Variants in EPHX1 observed in about 807,000 individuals in gnomAD.
The protein encoded by EPHX1 is epoxide hydrolase 1.
Under a neutral mutation model 43.2 loss-of-function variants are expected in EPHX1, and 40 were observed. The observed-to-expected ratio is 0.93, with a 90% CI of 0.72 to 1.21. The LOEUF is 1.21. EPHX1 is among the 50% of genes most tolerant of loss of function. EPHX1 has a pLI of 0.00. For missense variants in EPHX1, 550 were observed against 570.4 expected, an observed-to-expected ratio of 0.96 and a Z score of 0.36; for synonymous variants, 221 against 226.7, an observed-to-expected ratio of 0.98 and a Z score of 0.22.
At chr1:225,811,368 C>T (rs1275151775) in intron 1 of EPHX1, among the ~76,000 whole-genome samples, 1 of 152,148 alleles carries the variant, frequency 6.6e-6, no homozygotes, top group East Asian at 1.9e-4. Context: ...CTTCAGGTTC[C>T]GCAAAGCCTG....
Position 225,828,635 on chromosome 1 carries a change from A to G in EPHX1, c.-5-90A>G, listed in dbSNP as rs527602539. 1.2e-5 allele frequency: 16 copies of G among 1,334,382 alleles called. No individual in the cohort carries two copies. In the African/African-American group the frequency reaches 2.0e-4, roughly 17 times the overall value. The allele number at this position is 1,334,382 out of a possible 1,614,324, so 82.7% of individuals were successfully genotyped here. ...ATCAGGGACAGGGTTGGAGCGCAGC[A>G]GGAAAGAGCCTGCTGGGGATCAGAG... On this transcript the variant is annotated intron_variant, in intron 1 of 8. Transcript: ENST00000272167.
In EPHX1 at chr1:225,828,799, G is replaced by C; in HGVS notation, c.70G>C (p.Glu24Gln). The C allele has an allele frequency of 6.2e-7, 1 of 1,613,946 alleles. No homozygotes were observed. Among genetic ancestry groups the C allele is most frequent in the Non-Finnish European group, 8.5e-7 (1 of 1,179,978 alleles). The change falls in exon 2 of 9, where the codon GAG (glutamate) becomes CAG (glutamine). Residue 24 changes from glutamate to glutamine, a missense_variant. Glu to Gln is a conservative substitution (Grantham distance 29, BLOSUM62 2). Coordinates refer to ENST00000272167, the MANE Select transcript of EPHX1 (RefSeq NM_001136018.4). ...AIYWFISRDK[E>Q]ETLPLEDGWW... ...CTACTGGTTCATCTCCCGGGACAAA[G>C]AGGAAACTTTGCCACTTGAAGATGG...
At chr1:225,833,654 G>A (rs1178983849) in intron 3 of EPHX1, among the ~76,000 whole-genome samples, 1 of 152,004 alleles carries the variant, frequency 6.6e-6, no homozygotes, top group Non-Finnish European at 1.5e-5. Context: ...AATTAGCCAG[G>A]TGTGGTGGCG....
At chr1:225,815,411 C>CTT (rs5781415) in intron 1 of EPHX1, among the ~76,000 whole-genome samples, 709 of 77,918 alleles carry the variant, frequency 9.1e-3, no homozygotes, top group East Asian at 0.018. Flanking sequence ...AGCTAATTTT[C>CTT]TTTTTTTTTT....
intron 1 of EPHX1, among the ~76,000 whole-genome samples, chr1:225,824,903 A>G (rs112717338): frequency 3.3e-5 from 5 of 152,352 alleles, no homozygotes; most frequent in East Asian, 3.9e-4. Flanking sequence ...ACCACCTGCT[A>G]TTAAATAAAG....
At chr1:225,831,639 G>T in intron 2 of EPHX1, 140 bp from the exon 3 acceptor site, 1 of 757,946 alleles carries the variant, frequency 1.3e-6, no homozygotes, top group Middle Eastern at 3.5e-4. Flanking sequence ...AGTAGCCAGT[G>T]ATGTGGGAAA....
chr1:225,844,175 G>C (rs1046035020), intron 7 of EPHX1, among the ~76,000 whole-genome samples: 1 of 152,140 alleles, frequency 6.6e-6, no homozygotes, highest in Admixed American at 6.5e-5. Context: ...ACAGTAGCTG[G>C]TGCCCTGAGC....
chr1:225,831,469 C>T (rs1342358314), intron 2 of EPHX1, among the ~76,000 whole-genome samples: 1 of 151,810 alleles, frequency 6.6e-6, no homozygotes, highest in Non-Finnish European at 1.5e-5. Context: ...CTGGCTTGAA[C>T]CTGGGAGGTG....
At chr1:225,828,699 G>C (rs1168093491) in intron 1 of EPHX1, 26 bp from the exon 2 acceptor site, 1 of 1,611,960 alleles carries the variant, frequency 6.2e-7, no homozygotes. Context: ...GGGCTCCGTT[G>C]TTAATGGCTT....
chr1:225,832,011 T>G, intron 3 of EPHX1, 52 bp downstream of exon 3: 1 of 1,573,902 alleles, frequency 6.4e-7, no homozygotes, highest in South Asian at 1.1e-5. Context: ...GAGAACAGCC[T>G]TCTTCCACAA....
At chr1:225,815,081 G>T (rs1210639749) in intron 1 of EPHX1, among the ~76,000 whole-genome samples, 1 of 152,192 alleles carries the variant, frequency 6.6e-6, no homozygotes, top group Admixed American at 6.5e-5. Flanking sequence ...AAACAGCAGT[G>T]GGCCCAGCAA....
intron 2 of EPHX1, 24 bp from the exon 3 acceptor site, chr1:225,831,755 T>G (rs1436053652): frequency 6.2e-7 from 1 of 1,612,924 alleles, no homozygotes; most frequent in Admixed American, 1.7e-5. Context: ...CCCTCTCAAC[T>G]TGGGGTCCTG....
chr1:225,811,042 G>C (rs10799325), intron 1 of EPHX1, among the ~76,000 whole-genome samples: 128,275 of 152,146 alleles, frequency 0.84, 54,211 homozygotes, highest in East Asian at 0.95. Context: ...GCCGCCGCCC[G>C]GCACCCCCTC....
At chr1:225,845,079 C>T (rs1668831237) in intron 8 of EPHX1, 67 bp from the exon 9 acceptor site, 2 of 1,569,190 alleles carry the variant, frequency 1.3e-6, no homozygotes, top group Non-Finnish European at 1.8e-6. Flanking sequence ...GCTTTAACCC[C>T]CTGCTGTGCA....
At chr1:225,830,047 T>C (rs2854459) in intron 2 of EPHX1, among the ~76,000 whole-genome samples, 115,624 of 152,094 alleles carry the variant, frequency 0.76, 44,670 homozygotes, top group South Asian at 0.94. Context: ...CACTGCACTC[T>C]AGCCTGGGCA....
chr1:225,845,238 T>C lies in EPHX1; in HGVS notation c.1259T>C (p.Leu420Pro). The C allele has an allele frequency of 6.2e-7, 1 of 1,614,084 alleles. No individual in the cohort carries two copies. The highest frequency in any genetic ancestry group is 8.5e-7 in the Non-Finnish European group (1 of 1,180,030). ...EKWVRFKYPKLISYSYMVRGG... is the reference protein window; with the variant it reads ...EKWVRFKYPKPISYSYMVRGG... Reference sequence around the variant, plus strand: ...TGGGTGAGGTTCAAGTACCCAAAGCTCATCTCCTATTCCTACATGGTTCGT... The same window carrying C: ...TGGGTGAGGTTCAAGTACCCAAAGCCCATCTCCTATTCCTACATGGTTCGT... Residue 420 changes from leucine (L) to proline (P), a missense_variant, in exon 9 of 9, where the codon CTC (leucine) becomes CCC (proline). Coordinates refer to ENST00000272167, the MANE Select transcript of EPHX1 (RefSeq NM_001136018.4).
At chr1:225,811,591 A>G (rs939082122) in intron 1 of EPHX1, among the ~76,000 whole-genome samples, 4 of 152,232 alleles carry the variant, frequency 2.6e-5, no homozygotes, top group South Asian at 4.1e-4. Flanking sequence ...CTCTGCATCC[A>G]GCATAATTTA....
intron 2 of EPHX1, among the ~76,000 whole-genome samples, chr1:225,830,430 C>G (rs1160277172): frequency 6.6e-6 from 1 of 152,174 alleles, no homozygotes; most frequent in Non-Finnish European, 1.5e-5. Flanking sequence ...TAGCCTAATA[C>G]ATGCCAATGA....
At chr1:225,838,193 T>C (rs1668073753) in intron 3 of EPHX1, among the ~76,000 whole-genome samples, 1 of 152,238 alleles carries the variant, frequency 6.6e-6, no homozygotes, top group African/African-American at 2.4e-5. Flanking sequence ...CCTTGTCAGT[T>C]TAGATGACTG....
Sources: gnomAD v4.1 joint callset for allele counts (sites outside exome capture counted in the v4.1 genomes callset) on GRCh38, gnomAD v4.1.1 for gene constraint, MANE v1.5 for transcripts, NCBI Gene and HGNC (gene_info 2026-07-23, HGNC 2026-07-21) for gene names.